The following DOK6 variants were observed in gnomAD, a reference collection of about 807,000 sequenced individuals.
DOK6 encodes docking protein 6.
In DOK6, 22 loss-of-function variants were observed where a neutral mutation model predicts 44.0. The ratio of observed to expected loss-of-function variants is 0.50; its 90% CI spans 0.36 to 0.71. The LOEUF (loss-of-function observed/expected upper bound fraction) is 0.71, where lower values mean the gene tolerates loss of function less well. DOK6 is among the 30% of genes least tolerant of loss of function. DOK6 has a pLI of 0.00. For missense variants in DOK6, 340 were observed against 416.4 expected (o/e 0.82, Z 1.60); for synonymous variants, 166 against 145.5 (o/e 1.14, Z -1.01).
At chr18:69,563,053 C>T (rs937749346) in intron 1 of DOK6, among the ~76,000 whole-genome samples, 1 of 152,186 alleles carries the variant, frequency 6.6e-6, no homozygotes, top group Non-Finnish European at 1.5e-5. Flanking sequence ...TGAAAAGATG[C>T]TCATCATCAC....
intron 1 of DOK6, among the ~76,000 whole-genome samples, chr18:69,409,042 A>G (rs1978295325): frequency 6.6e-6 from 1 of 151,998 alleles, no homozygotes; most frequent in African/African-American, 2.4e-5. Context: ...CATGGGAGGG[A>G]CCCGGTGGGA....
At chr18:69,729,190 G>A (rs1978332349) in intron 5 of DOK6, among the ~76,000 whole-genome samples, 1 of 152,030 alleles carries the variant, frequency 6.6e-6, no homozygotes. Flanking sequence ...TATATATACA[G>A]ACATACATAC....
intron 4 of DOK6, among the ~76,000 whole-genome samples, chr18:69,695,617 C>T (rs963265295): frequency 6.6e-6 from 1 of 152,172 alleles, no homozygotes; most frequent in Non-Finnish European, 1.5e-5. Context: ...AAGCTTCCTT[C>T]GTCATTATAA....
At chr18:69,673,230 G>GTGTA (rs140062432) in intron 3 of DOK6, among the ~76,000 whole-genome samples, 4 of 150,156 alleles carry the variant, frequency 2.7e-5, no homozygotes, top group African/African-American at 4.9e-5. Flanking sequence ...TTTTCTGTGT[G>GTGTA]TATATATATA....
intron 3 of DOK6, among the ~76,000 whole-genome samples, chr18:69,665,449 T>C (rs1985631984): frequency 6.6e-6 from 1 of 152,190 alleles, no homozygotes; most frequent in South Asian, 2.1e-4. Flanking sequence ...TACCTAATTA[T>C]AGGCACCTAA....
intron 3 of DOK6, among the ~76,000 whole-genome samples, chr18:69,655,872 T>C (rs1184031289): frequency 7.0e-6 from 1 of 142,864 alleles, no homozygotes; most frequent in Non-Finnish European, 1.5e-5. Flanking sequence ...AAATAAGATA[T>C]GAAAGAGTAA....
chr18:69,458,636 C>G (rs1979695944), intron 1 of DOK6, among the ~76,000 whole-genome samples: 1 of 152,082 alleles, frequency 6.6e-6, no homozygotes, highest in Non-Finnish European at 1.5e-5. Context: ...TTAGAAAACC[C>G]TAAAGATTAT....
At chr18:69,677,046 ACCC>A (rs1985937942) in intron 3 of DOK6, among the ~76,000 whole-genome samples, 1 of 152,144 alleles carries the variant, frequency 6.6e-6, no homozygotes, top group African/African-American at 2.4e-5. Flanking sequence ...TTTAAATTCT[ACCC>A]CAATTTTTTT....
At chr18:69,652,706 C>T (rs1464459466) in intron 3 of DOK6, among the ~76,000 whole-genome samples, 3 of 152,108 alleles carry the variant, frequency 2.0e-5, no homozygotes, top group African/African-American at 4.8e-5. Flanking sequence ...ACACCTGCTC[C>T]TCAGCTGAGC....
intron 1 of DOK6, among the ~76,000 whole-genome samples, chr18:69,542,040 G>A (rs1054292756): frequency 1.3e-5 from 2 of 151,548 alleles, no homozygotes; most frequent in African/African-American, 4.8e-5. Flanking sequence ...TGAAAAGGCA[G>A]AATGGAGATG....
intron 1 of DOK6, among the ~76,000 whole-genome samples, chr18:69,511,507 T>C (rs976026447): frequency 2.0e-5 from 3 of 152,244 alleles, no homozygotes; most frequent in African/African-American, 7.2e-5. Context: ...ATCATTCATA[T>C]GCAGATATTA....
At chr18:69,830,301 T>C (rs1981865313) in intron 7 of DOK6, among the ~76,000 whole-genome samples, 1 of 152,150 alleles carries the variant, frequency 6.6e-6, no homozygotes, top group African/African-American at 2.4e-5. Context: ...CAAAAATACA[T>C]AGGTTGACTC....
chr18:69,574,008 C>A (rs150252228), intron 2 of DOK6, among the ~76,000 whole-genome samples: 2 of 152,068 alleles, frequency 1.3e-5, no homozygotes, highest in Middle Eastern at 3.4e-3. Flanking sequence ...CGGGCACATC[C>A]ATCTCTAGAA....
intron 3 of DOK6, among the ~76,000 whole-genome samples, chr18:69,667,030 C>G (rs954760001): frequency 2.9e-4 from 44 of 152,184 alleles, no homozygotes; most frequent in African/African-American, 1.0e-3. Context: ...CTTTAGTTCT[C>G]ATAATTTTCC....
At chr18:69,442,537 G>T (rs1338440013) in intron 1 of DOK6, among the ~76,000 whole-genome samples, 1 of 152,104 alleles carries the variant, frequency 6.6e-6, no homozygotes, top group Non-Finnish European at 1.5e-5. Flanking sequence ...CTGCCCCCAT[G>T]ATCTAATCAC....
chr18:69,612,436 T>A (rs1984172122), intron 3 of DOK6, among the ~76,000 whole-genome samples: 1 of 147,264 alleles, frequency 6.8e-6, no homozygotes, highest in Admixed American at 6.7e-5. Context: ...GGCGCATGTG[T>A]GCGAGGGCGC....
chr18:69,571,199 A>C (rs193111698), intron 2 of DOK6, among the ~76,000 whole-genome samples: 1 of 152,000 alleles, frequency 6.6e-6, no homozygotes, highest in Non-Finnish European at 1.5e-5. Flanking sequence ...TAAGGAGTTT[A>C]TTGTAATCCC....
At chr18:69,734,796 A>C (rs1448950770) in intron 5 of DOK6, among the ~76,000 whole-genome samples, 2 of 151,982 alleles carry the variant, frequency 1.3e-5, no homozygotes, top group Admixed American at 1.3e-4. Flanking sequence ...ATTATCTTAA[A>C]GTATCTACAC....
intron 1 of DOK6, among the ~76,000 whole-genome samples, chr18:69,468,522 T>C (rs935876878): frequency 2.0e-5 from 3 of 152,242 alleles, no homozygotes; most frequent in African/African-American, 7.2e-5. Flanking sequence ...TGGCAGTGTC[T>C]GTACCCTTGA....
Sources: gnomAD v4.1 joint callset for allele counts (sites outside exome capture counted in the v4.1 genomes callset) on GRCh38, gnomAD v4.1.1 for gene constraint, MANE v1.5 for transcripts, NCBI Gene and HGNC (gene_info 2026-07-23, HGNC 2026-07-21) for gene names.